Variants in PRKAR1B observed in about 807,000 individuals in gnomAD.
PRKAR1B encodes the protein protein kinase cAMP-dependent type I regulatory subunit beta.
In PRKAR1B, 22 loss-of-function variants were observed where a neutral mutation model predicts 46.5. The ratio of observed to expected loss-of-function variants is 0.47; its 90% CI spans 0.34 to 0.68. The LOEUF (loss-of-function observed/expected upper bound fraction) is 0.68. Ranked by LOEUF, PRKAR1B falls within the 30% of genes least tolerant of loss-of-function variation. PRKAR1B has a pLI of 0.01. For missense variants in PRKAR1B, 445 were observed against 535.6 expected (o/e 0.83, Z 1.67); for synonymous variants, 259 against 217.7 (o/e 1.19, Z -1.67).
chr7:689,209 C>T (rs894351085), intron 2 of PRKAR1B, among the ~76,000 whole-genome samples: 3 of 151,960 alleles, frequency 2.0e-5, no homozygotes, highest in Non-Finnish European at 4.4e-5. Flanking sequence ...TCTGCCTCTG[C>T]CTCCCAGGTT....
In PRKAR1B at chr7:718,364, C is replaced by G. The variant is rs200489323; in HGVS notation, c.-22-6837G>C. ...TATATATATCTCCTCCTGCTTCAGC[C>G]TTTTTTTTTTTTTCCAGAGTCTTGC... On this transcript the variant is annotated intron_variant, in intron 1 of 10. Transcript: ENST00000537384. Among the ~76,000 whole-genome samples the G allele has an allele frequency of 9.7e-4, 134 of 138,740 alleles. 2 individuals carry two copies. The East Asian group carries it at 0.023, about 24-fold the overall frequency. The allele number at this position is 138,740 out of a possible 152,430, so 91.0% of individuals were successfully genotyped here. A position where few individuals can be genotyped will look rare whatever the true frequency, so the allele number is the denominator to read the frequency against.
rs1003953160 is a variant in PRKAR1B at position 578,377 on chromosome 7, G to A, written c.891+879C>T. Among the ~76,000 whole-genome samples, 17 of 152,238 alleles carry A rather than the reference G, an allele frequency of 1.1e-4. 1 individual carries two copies. In the South Asian group the frequency reaches 1.2e-3, roughly 11 times the overall value. The stretch of plus-strand genomic sequence containing the variant: ...CCTGTCGCCTGCCTGTGGTGGGGCC[G>A]TGGCGTGAGACGGCAAAAATGACTC... On this transcript the variant is annotated intron_variant, in intron 9 of 10. Coordinates refer to ENST00000537384, the MANE Select transcript of PRKAR1B (RefSeq NM_001164760.2).
chr7:617,851 C>T (rs542023393), intron 4 of PRKAR1B, among the ~76,000 whole-genome samples: 151 of 152,334 alleles, frequency 9.9e-4, no homozygotes, highest in African/African-American at 3.3e-3. Context: ...CCAGCTGGAA[C>T]TCGCAGCCTC....
rs566313175 is a variant in PRKAR1B at position 606,924 on chromosome 7, AC to A, written c.502+466del. 3.6e-3 allele frequency among the ~76,000 whole-genome samples: 543 copies of A among 152,302 alleles called. 2 individuals are homozygous for A. Among genetic ancestry groups the A allele is most frequent in the African/African-American group, 0.012 (513 of 41,562 alleles). On this transcript the variant is annotated intron_variant, in intron 5 of 10. Transcript: ENST00000537384. ...TGTACATATATGTATACATGTACAC[AC>A]ATATGTGTGCACATATACGTGCATA...
At chr7:617,651 A>T (rs959608012) in intron 4 of PRKAR1B, among the ~76,000 whole-genome samples, 1 of 151,964 alleles carries the variant, frequency 6.6e-6, no homozygotes, top group Non-Finnish European at 1.5e-5. Context: ...ACCGACTGTC[A>T]CCCTGGTCCA....
intron 1 of PRKAR1B, among the ~76,000 whole-genome samples, chr7:719,228 C>T (rs1057495403): frequency 4.6e-5 from 7 of 152,076 alleles, no homozygotes; most frequent in South Asian, 2.1e-4. Flanking sequence ...TTAGTAGAGA[C>T]GCGGTTTCAC....
chr7:557,272 C>A (rs150935763), intron 9 of PRKAR1B, among the ~76,000 whole-genome samples: 2 of 152,232 alleles, frequency 1.3e-5, no homozygotes, highest in Non-Finnish European at 2.9e-5. Flanking sequence ...GCGTGACACC[C>A]GTGACCAGGC....
intron 1 of PRKAR1B, among the ~76,000 whole-genome samples, chr7:723,422 A>G (rs556609722): frequency 5.3e-5 from 8 of 152,242 alleles, no homozygotes; most frequent in Admixed American, 5.2e-4. Flanking sequence ...ATGAGAGAAA[A>G]AGAAAACCCA....
chr7:661,333 G>A (rs1398232112), intron 4 of PRKAR1B, among the ~76,000 whole-genome samples: 5 of 60,520 alleles, frequency 8.3e-5, no homozygotes, highest in Non-Finnish European at 1.4e-4. Context: ...CCACGCCAAC[G>A]GGTCCAAATA....
intron 2 of PRKAR1B, among the ~76,000 whole-genome samples, chr7:704,444 A>G (rs1780208966): frequency 6.7e-6 from 1 of 148,450 alleles, no homozygotes; most frequent in Non-Finnish European, 1.5e-5. Flanking sequence ...ATATTGATAA[A>G]TGTAACAACT....
chr7:662,787 G>A (rs928484656), intron 4 of PRKAR1B, among the ~76,000 whole-genome samples: 3 of 152,172 alleles, frequency 2.0e-5, no homozygotes, highest in Non-Finnish European at 4.4e-5. Context: ...GTCTGAGCAA[G>A]TCTCCTGGGA....
chr7:690,813 C>A (rs978076444), intron 2 of PRKAR1B, among the ~76,000 whole-genome samples: 10 of 152,168 alleles, frequency 6.6e-5, no homozygotes, highest in African/African-American at 2.4e-4. Context: ...AAACACAACA[C>A]CCAGCAGTCC....
chr7:706,379 T>C (rs1327064256), intron 2 of PRKAR1B, among the ~76,000 whole-genome samples: 1 of 151,372 alleles, frequency 6.6e-6, no homozygotes, highest in Non-Finnish European at 1.5e-5. Context: ...GATCACATCT[T>C]GCTGGGGAAA....
intron 1 of PRKAR1B, among the ~76,000 whole-genome samples, chr7:715,732 T>C (rs78834756): frequency 3.9e-5 from 6 of 152,258 alleles, no homozygotes; most frequent in South Asian, 2.1e-4. Context: ...TTTTTTTTTT[T>C]TGAGACAGAG....
At chr7:656,719 G>A (rs1785216068) in intron 4 of PRKAR1B, among the ~76,000 whole-genome samples, 1 of 152,204 alleles carries the variant, frequency 6.6e-6, no homozygotes, top group African/African-American at 2.4e-5. Context: ...GTGAACAAAT[G>A]AGTGGATGGA....
intron 6 of PRKAR1B, among the ~76,000 whole-genome samples, chr7:603,921 G>C (rs1027464905): frequency 6.7e-6 from 1 of 149,546 alleles, no homozygotes; most frequent in African/African-American, 2.5e-5. Context: ...TGAACTAGAA[G>C]AGGGGCTATA....
chr7:633,892 C>T (rs1412940244), intron 4 of PRKAR1B, among the ~76,000 whole-genome samples: 1 of 152,124 alleles, frequency 6.6e-6, no homozygotes, highest in Non-Finnish European at 1.5e-5. Flanking sequence ...TGCCTGGGCT[C>T]CTCAGGGATT....
At chr7:570,641 C>T (rs886342364) in intron 9 of PRKAR1B, among the ~76,000 whole-genome samples, 4 of 152,176 alleles carry the variant, frequency 2.6e-5, no homozygotes, top group Non-Finnish European at 5.9e-5. Flanking sequence ...GCACGGCCCT[C>T]GGCAAAGCAG....
At chr7:723,182 C>G (rs1781132817) in intron 1 of PRKAR1B, among the ~76,000 whole-genome samples, 1 of 152,186 alleles carries the variant, frequency 6.6e-6, no homozygotes, top group Non-Finnish European at 1.5e-5. Flanking sequence ...TGCAGACTGT[C>G]CACTCGAACC....
Sources: gnomAD v4.1 joint callset for allele counts (sites outside exome capture counted in the v4.1 genomes callset) on GRCh38, gnomAD v4.1.1 for gene constraint, MANE v1.5 for transcripts, NCBI Gene and HGNC (gene_info 2026-07-23, HGNC 2026-07-21) for gene names.